NAT16: variants seen among roughly 807,000 people sequenced by gnomAD.
NAT16 encodes N-acetyltransferase 16 (putative).
A neutral mutation model predicts 15.9 loss-of-function variants in NAT16; 16 were observed. The observed-to-expected ratio is 1.01, with a 90% confidence interval of 0.68 to 1.53. The LOEUF is 1.53. Ranked by LOEUF, NAT16 falls within the 40% of genes most tolerant of loss-of-function variation. The pLI, the probability that NAT16 is intolerant of heterozygous loss-of-function variation, is 0.00. For missense variants in NAT16, 572 were observed against 508.4 expected (o/e 1.13, Z -1.20); for synonymous variants, 260 against 241.9 (o/e 1.07, Z -0.69).
chr7:101,174,315 C>T, intron 2 of NAT16, 181 bp downstream of exon 2: 1 of 770,460 alleles, frequency 1.3e-6, no homozygotes, highest in South Asian at 1.9e-5. Flanking sequence ...CTCCACCCCA[C>T]CCTCACTGAC....
At chr7:101,174,912 G>C (rs2015923) in intron 1 of NAT16, 101 bp from the exon 2 acceptor site, 1,204,664 of 1,311,156 alleles carry the variant, frequency 0.92, 553,830 homozygotes, top group African/African-American at 0.99. Context: ...TACACAAATA[G>C]CCTTTCTTTT....
Position 101,171,850 on chromosome 7 carries a change from T to C in NAT16, c.*229A>G. ...CCCACCCCCAGCCCCCACCTAATAG[T>C]CCGCAAGTTCAGGTCAGGGAGTGGG... On this transcript the variant is annotated 3_prime_UTR_variant, in exon 4 of 4. Transcript: ENST00000300303. The C allele has an allele frequency of 1.9e-6, 1 of 525,250 alleles. No individual in the cohort carries two copies. 32.5% of individuals were successfully genotyped at this position (525,250 alleles called of 1,614,324 possible). A position where few individuals can be genotyped will look rare whatever the true frequency, so the allele number is the denominator to read the frequency against.
chr7:101,173,769 G>T (rs1206779920), intron 2 of NAT16: 2 of 519,960 alleles, frequency 3.8e-6, no homozygotes, highest in Non-Finnish European at 3.3e-6. Context: ...CCTCACCCAG[G>T]CTGGAGCGCA....
intron 2 of NAT16, chr7:101,173,723 T>A: frequency 1.8e-6 from 1 of 542,224 alleles, no homozygotes; most frequent in Middle Eastern, 4.7e-4. Flanking sequence ...CGTCCACCTT[T>A]TTATTTTTAT....
In NAT16 at chr7:101,174,858, C is replaced by CCA. The variant is rs752922867; in HGVS notation, c.-4-49_-4-48dup. The CCA allele has an allele frequency of 9.8e-5, 148 of 1,506,564 alleles. 1 individual carries two copies. Among genetic ancestry groups the CCA allele is most frequent in the Middle Eastern group, 3.5e-4 (2 of 5,642 alleles). The allele number at this position is 1,506,564 out of a possible 1,614,324, so 93.3% of individuals were successfully genotyped here. A position where few individuals can be genotyped will look rare whatever the true frequency, so the allele number is the denominator to read the frequency against. On this transcript the variant is annotated intron_variant, in intron 1 of 3. Coordinates refer to ENST00000300303, the MANE Select transcript of NAT16 (RefSeq NM_198571.3). ...AGCACCTGGATCAGCCCCTTTGTTT[C>CCA]CACATCTGGGCCCCTGCACACAAAC... is the stretch of plus-strand genomic sequence containing the variant.
At position 101,172,236 on chromosome 7, in the gene NAT16, T is replaced by C; in HGVS notation, c.953A>G (p.Gln318Arg). 1.2e-6 allele frequency: 2 copies of C among 1,613,326 alleles called. No homozygotes were observed. The highest frequency in any genetic ancestry group is 8.5e-7 in the Non-Finnish European group (1 of 1,179,790). Residue 318 changes from glutamine to arginine, a missense_variant, in exon 4 of 4, where the codon CAG becomes CGG. By Grantham distance (43) the Gln-to-Arg change is conservative. Coordinates refer to ENST00000300303, the MANE Select transcript of NAT16 (RefSeq NM_198571.3). This position sits in a 1 kb window ranked among gnomAD's most constrained non-coding sequence, Gnocchi z 4.2. Reference sequence around the variant, plus strand: ...GCCAACGAGGCGCGGGGCCTGGCGCTGCAGGTGCCACAGCAGCTGGCTCTG... The same window carrying C: ...GCCAACGAGGCGCGGGGCCTGGCGCCGCAGGTGCCACAGCAGCTGGCTCTG... ...QVQSQLLWHL[Q>R]RQAPRLVGLN...
chr7:101,176,944 G>A (rs140029598), intron 1 of NAT16, among the ~76,000 whole-genome samples: 99 of 152,180 alleles, frequency 6.5e-4, no homozygotes, highest in Admixed American at 1.4e-3. Context: ...TTTGGGGAAG[G>A]TTGACCAGCA....
Position 101,173,438 on chromosome 7 carries a change from C to G in NAT16, c.395G>C (p.Gly132Ala). Residue 132 changes from glycine (G) to alanine (A), a missense_variant, in exon 3 of 4, where the codon GGG (glycine) becomes GCG (alanine). Transcript: ENST00000300303. ...EGLRVAPWERGKGVAGLLQRF... is the reference protein window; with the variant it reads ...EGLRVAPWERAKGVAGLLQRF... ...CTGCAGCAGCCCGGCCACGCCCTTC[C>G]CGCGCTCCCAGGGCGCCACGCGCAG... 4 of 1,612,640 alleles carry G rather than the reference C, an allele frequency of 2.5e-6. 1 individual carries two copies. In the South Asian group the frequency reaches 4.4e-5, roughly 18 times the overall value.
intron 2 of NAT16, chr7:101,174,155 C>T: frequency 2.5e-6 from 1 of 402,642 alleles, no homozygotes; most frequent in Admixed American, 4.1e-5. Context: ...CTCCCCCAGC[C>T]CAAATCTAAG....
In NAT16 at chr7:101,173,517, C is replaced by CGATCT. The variant is rs766681148; in HGVS notation, c.313-2_315dup (p.Ala106ArgfsTer7). ...TCGATCACGTTCACCGACTCCAGCG[C>CGATCT]GATCTGCGGACCGAGGCCGTTAGCG... On this transcript the variant is annotated frameshift_variant, in exon 3 of 4. Transcript: ENST00000300303. LOFTEE classifies it high-confidence loss of function. 3.4e-5 allele frequency: 54 copies of CGATCT among 1,591,726 alleles called. No homozygotes were observed. Among genetic ancestry groups the CGATCT allele is most frequent in the Non-Finnish European group, 4.6e-5 (54 of 1,168,118 alleles).
chr7:101,177,312 T>C (rs758626558), intron 1 of NAT16, among the ~76,000 whole-genome samples: 23 of 152,122 alleles, frequency 1.5e-4, no homozygotes, highest in Admixed American at 6.6e-5. Context: ...GGGGGAGACC[T>C]CTTATTATTA....
intron 2 of NAT16, chr7:101,173,749 G>C: frequency 1.9e-6 from 1 of 535,972 alleles, no homozygotes; most frequent in Non-Finnish European, 3.2e-6. Flanking sequence ...TTAAATTTAG[G>C]ACAGGGTCTC....
At chr7:101,176,758 A>G (rs1245550427) in intron 1 of NAT16, among the ~76,000 whole-genome samples, 1 of 151,948 alleles carries the variant, frequency 6.6e-6, no homozygotes, top group African/African-American at 2.4e-5. Context: ...AAATCAACCA[A>G]TCAAATCCCC....
intron 1 of NAT16, among the ~76,000 whole-genome samples, chr7:101,175,477 C>T (rs571980050): frequency 2.7e-4 from 41 of 152,078 alleles, no homozygotes; most frequent in Admixed American, 7.9e-4. Context: ...CCTCTTCCCA[C>T]CAGCTTTCAG....
chr7:101,173,427 C>A lies in NAT16; in HGVS notation c.406G>T (p.Ala136Ser), dbSNP rs761997494. Residue 136 changes from alanine (A) to serine (S), a missense_variant, in exon 3 of 4, where the codon GCC (alanine) becomes TCC (serine). Ala to Ser is a moderately conservative substitution (Grantham distance 99, BLOSUM62 1). Transcript: ENST00000300303. ...VAPWERGKGV[A>S]GLLQRFCSQL... is the part of the protein sequence containing the mutation. ...GAGCAGAAGCGCTGCAGCAGCCCGG[C>A]CACGCCCTTCCCGCGCTCCCAGGGC... The A allele has an allele frequency of 6.2e-7, 1 of 1,612,924 alleles. No individual in the cohort carries two copies. The highest frequency in any genetic ancestry group is 1.7e-5 in the Admixed American group (1 of 59,956).
chr7:101,174,646 G>A lies in NAT16; in HGVS notation c.162C>T (p.Asp54=), dbSNP rs762446505. ...ACTCCCGTTCCGTGGCCACCACGAA[G>A]TCCAATGGCTCGGCCTCAGCCTCAG... The part of the protein sequence containing the change: ...SGPEAEAEPL[D]FVVATEREFE... Residue 54 remains aspartate, a synonymous_variant, in exon 2 of 4, where the codon GAC becomes GAT. Coordinates refer to ENST00000300303, the MANE Select transcript of NAT16 (RefSeq NM_198571.3). The A allele has an allele frequency of 1.9e-6, 3 of 1,613,992 alleles. No individual in the cohort carries two copies. Among genetic ancestry groups the A allele is most frequent in the South Asian group, 1.1e-5 (1 of 91,080 alleles).
In NAT16 at chr7:101,172,569, G is replaced by A. The variant is rs1022058799; in HGVS notation, c.620C>T (p.Thr207Ile). ...GGCCTCGGTGGGCAGCGGCGAGAAG[G>A]TGCCAGAGGTCCGCAGCGCCGCCAG... ...ARLAALRTSGTFSPLPTEAVS... is the reference protein window; with the variant it reads ...ARLAALRTSGIFSPLPTEAVS... Residue 207 changes from threonine to isoleucine, a missense_variant, in exon 4 of 4, where the codon ACC (threonine) becomes ATC (isoleucine). Transcript: ENST00000300303. This position sits in a 1 kb window ranked among gnomAD's most constrained non-coding sequence, Gnocchi z 4.2. 1.9e-5 allele frequency: 29 copies of A among 1,541,232 alleles called. No homozygotes were observed. Among genetic ancestry groups the A allele is most frequent in the Non-Finnish European group, 2.4e-5 (28 of 1,152,180 alleles).
chr7:101,176,872 ATATTGACT>A (rs1328762506), intron 1 of NAT16, among the ~76,000 whole-genome samples: 2 of 152,106 alleles, frequency 1.3e-5, no homozygotes, highest in Non-Finnish European at 2.9e-5. Flanking sequence ...TGTGGGGGTG[ATATTGACT>A]TATTGACTTA....
chr7:101,174,861 C>T (rs1476618492), intron 1 of NAT16, 50 bp from the exon 2 acceptor site: 2 of 1,500,874 alleles, frequency 1.3e-6, no homozygotes, highest in Non-Finnish European at 1.8e-6. Context: ...TTTGTTTCCA[C>T]ATCTGGGCCC....
Sources: allele counts gnomAD v4.1 joint callset (sites outside exome capture counted in the v4.1 genomes callset), GRCh38; gene constraint gnomAD v4.1.1; non-coding constraint Gnocchi (gnomAD v3.1); transcripts MANE v1.5; gene names NCBI Gene and HGNC (gene_info 2026-07-23, HGNC 2026-07-21).